Variants in QTGAL observed in about 807,000 individuals in gnomAD.
QTGAL encodes the protein queuosine-tRNA galactosyltransferase.
At chr17:82,959,334 A>C in the QTGAL span, among the ~76,000 whole-genome samples, 1 of 151,886 alleles carries the variant, frequency 6.6e-6, no homozygotes, top group Non-Finnish European at 1.5e-5. Context: ...TGTACCGTGC[A>C]GATGTGTGTA....
chr17:82,961,162 A>T, the QTGAL span: 52 of 1,607,880 alleles, frequency 3.2e-5, no homozygotes, highest in Middle Eastern at 3.5e-4. Flanking sequence ...GTAGAAGAAC[A>T]GCAGGTCCTC....
At chr17:83,013,987 C>T in the QTGAL span, among the ~76,000 whole-genome samples, 1 of 152,112 alleles carries the variant, frequency 6.6e-6, no homozygotes, top group Admixed American at 6.5e-5. Context: ...CGGGGCACTG[C>T]TGTGCTTCCT....
the QTGAL span, among the ~76,000 whole-genome samples, chr17:82,996,302 T>C: frequency 1.3e-5 from 2 of 152,122 alleles, no homozygotes; most frequent in African/African-American, 4.8e-5. Context: ...GGCAGGTGGA[T>C]CATGAGGTCA....
At chr17:83,049,795 T>C in the QTGAL span, among the ~76,000 whole-genome samples, 1 of 152,156 alleles carries the variant, frequency 6.6e-6, no homozygotes, top group Non-Finnish European at 1.5e-5. Context: ...CTTTTCTCAT[T>C]GTCCTTTTCT....
At chr17:83,034,974 A>C in the QTGAL span, 1 of 1,346,178 alleles carries the variant, frequency 7.4e-7, no homozygotes, top group Non-Finnish European at 1.0e-6. Flanking sequence ...ATGTAAGATC[A>C]TTTAATTATT....
the QTGAL span, among the ~76,000 whole-genome samples, chr17:83,002,679 C>A: frequency 1.3e-5 from 2 of 152,172 alleles, no homozygotes; most frequent in East Asian, 1.9e-4. Context: ...ATACCCGAGG[C>A]GGCACCGCGG....
At chr17:82,943,492 T>A in the QTGAL span, 9 of 152,170 alleles carry the variant, frequency 5.9e-5, no homozygotes, top group Admixed American at 2.6e-4. Context: ...AGGGGTGCCA[T>A]GTGCGTGGTG....
chr17:83,017,710 G>A, the QTGAL span, among the ~76,000 whole-genome samples: 5 of 152,226 alleles, frequency 3.3e-5, no homozygotes, highest in African/African-American at 1.2e-4. Context: ...AGTTACCCTG[G>A]CTTGATCATG....
the QTGAL span, among the ~76,000 whole-genome samples, chr17:83,016,787 A>AAGG: frequency 2.7e-5 from 4 of 150,702 alleles, no homozygotes; most frequent in Admixed American, 6.6e-5. Context: ...AGGAGGGAGG[A>AAGG]AGGAGGAGGA....
At chr17:83,006,038 G>A in the QTGAL span, 1 of 1,025,064 alleles carries the variant, frequency 9.8e-7, no homozygotes, top group Non-Finnish European at 1.2e-6. This position sits in a 1 kb window ranked among gnomAD's most constrained non-coding sequence, Gnocchi z 5.8. Flanking sequence ...GTAGGAAACA[G>A]CACCCACCCC....
the QTGAL span, among the ~76,000 whole-genome samples, chr17:83,015,603 T>C: frequency 2.0e-5 from 3 of 152,222 alleles, no homozygotes; most frequent in Admixed American, 6.5e-5. The surrounding 1 kb of genome is among the most constrained non-coding windows in gnomAD (Gnocchi z 4.4). Flanking sequence ...GCACACACAG[T>C]GTGTACCAGG....
At chr17:82,991,236 G>T in the QTGAL span, among the ~76,000 whole-genome samples, 1 of 152,124 alleles carries the variant, frequency 6.6e-6, no homozygotes, top group South Asian at 2.1e-4. Context: ...GAGCAAGGTG[G>T]CTGATATGGT....
At chr17:82,998,511 A>G in the QTGAL span, among the ~76,000 whole-genome samples, 1 of 151,786 alleles carries the variant, frequency 6.6e-6, no homozygotes, top group Non-Finnish European at 1.5e-5. Flanking sequence ...ATGCCTGGCT[A>G]ATTTTTTGTA....
At chr17:83,022,346 C>A in the QTGAL span, among the ~76,000 whole-genome samples, 2 of 84,068 alleles carry the variant, frequency 2.4e-5, no homozygotes, top group African/African-American at 4.1e-5. Context: ...CCTGCACCAG[C>A]GTGAACTCAC....
chr17:83,042,120 A>C, the QTGAL span, among the ~76,000 whole-genome samples: 1 of 152,236 alleles, frequency 6.6e-6, no homozygotes, highest in African/African-American at 2.4e-5. Flanking sequence ...TAATCCCCAC[A>C]CTTTGGGAGG....
At chr17:83,050,483 C>T in the QTGAL span, among the ~76,000 whole-genome samples, 1 of 151,956 alleles carries the variant, frequency 6.6e-6, no homozygotes, top group Admixed American at 6.5e-5. Flanking sequence ...TCAAGATCTA[C>T]AAAATATAAT....
chr17:83,027,094 AC>A, the QTGAL span, among the ~76,000 whole-genome samples: 1 of 148,744 alleles, frequency 6.7e-6, no homozygotes, highest in Non-Finnish European at 1.5e-5. Context: ...CCCTCGACAG[AC>A]ACACAGAGCA....
chr17:82,970,141 A>C, the QTGAL span, among the ~76,000 whole-genome samples: 2 of 152,180 alleles, frequency 1.3e-5, no homozygotes, highest in South Asian at 4.1e-4. Context: ...CCTGTCACAC[A>C]GGGTGCCCCC....
the QTGAL span, chr17:83,006,447 C>T: frequency 1.0e-6 from 1 of 984,482 alleles, no homozygotes; most frequent in Non-Finnish European, 1.2e-6. This position sits in a 1 kb window ranked among gnomAD's most constrained non-coding sequence, Gnocchi z 5.8. Flanking sequence ...TGTAGAGAGA[C>T]CCTCTGTGCC....
Sources: gnomAD v4.1 joint callset for allele counts (sites outside exome capture counted in the v4.1 genomes callset) on GRCh38, gnomAD v4.1.1 for gene constraint, Gnocchi (gnomAD v3.1) non-coding constraint, MANE v1.5 for transcripts, NCBI Gene and HGNC (gene_info 2026-07-23, HGNC 2026-07-21) for gene names.